The following KCTD16 variants were observed in gnomAD, a reference collection of about 807,000 sequenced individuals.
KCTD16 encodes the protein potassium channel tetramerization domain containing 16.
Under a neutral mutation model 33.2 loss-of-function variants are expected in KCTD16, and 13 were observed. That is an observed-to-expected ratio of 0.39 (90% CI 0.25 to 0.62). KCTD16 has a LOEUF of 0.62. Among genes scored for constraint, KCTD16 ranks in the 20% least tolerant of loss-of-function variants. KCTD16 has a pLI of 0.50. For missense variants in KCTD16, 441 were observed against 525.1 expected (o/e 0.84, Z 1.57); for synonymous variants, 197 against 195.3 (o/e 1.01, Z -0.07).
intron 3 of KCTD16, among the ~76,000 whole-genome samples, chr5:144,326,398 T>C (rs1029474908): frequency 2.7e-4 from 41 of 152,204 alleles, no homozygotes; most frequent in Non-Finnish European, 2.9e-5. Context: ...ATTGATAGTA[T>C]AAATTTTTAA....
Position 144,207,083 on chromosome 5 carries a change from C to T in KCTD16, c.369C>T (p.Thr123=). 1 of 1,611,768 alleles carries T rather than the reference C, an allele frequency of 6.2e-7. No homozygotes were observed. The highest frequency in any genetic ancestry group is 2.2e-5 in the East Asian group (1 of 44,848). ...TCCCAGACTTGGTCAAACTCCTGAC[C>T]CCCGATGAAATCAAGCAAAGCCCAG... is the stretch of plus-strand genomic sequence containing the variant. ...FQLPDLVKLL[T]PDEIKQSPDE... Residue 123 remains threonine, a synonymous_variant, in exon 3 of 4, where the codon ACC becomes ACT. Transcript: ENST00000512467.
Position 144,479,752 on chromosome 5 carries a change from T to A in KCTD16, c.*5638T>A, listed in dbSNP as rs1242609668. ...GTTTCTCTTGCTTGTGAACAAATTTTGTTGCCAATTAGGTAAAAAATGTTA... is the reference window on the plus strand; with the variant it reads ...GTTTCTCTTGCTTGTGAACAAATTTAGTTGCCAATTAGGTAAAAAATGTTA... On this transcript the variant is annotated 3_prime_UTR_variant, in exon 4 of 4. Coordinates refer to ENST00000512467, the MANE Select transcript of KCTD16 (RefSeq NM_020768.4). 6.6e-6 allele frequency: 1 copy of A among 152,014 alleles called. No homozygotes were observed. Among genetic ancestry groups the A allele is most frequent in the Non-Finnish European group, 1.5e-5 (1 of 67,956 alleles). 9.4% of individuals were successfully genotyped at this position (152,014 alleles called of 1,614,324 possible).
intron 3 of KCTD16, among the ~76,000 whole-genome samples, chr5:144,301,737 T>C (rs764183535): frequency 9.2e-5 from 14 of 152,182 alleles, no homozygotes; most frequent in Non-Finnish European, 1.2e-4. Context: ...AAAAAGTGTC[T>C]TGATGCTTCC....
chr5:144,196,129 T>G (rs1352335314), intron 2 of KCTD16, among the ~76,000 whole-genome samples: 1 of 152,166 alleles, frequency 6.6e-6, no homozygotes, highest in Non-Finnish European at 1.5e-5. Flanking sequence ...GGCCAAAACA[T>G]TTTAAAGGAG....
chr5:144,330,567 C>T (rs767103240), intron 3 of KCTD16, among the ~76,000 whole-genome samples: 1 of 151,778 alleles, frequency 6.6e-6, no homozygotes, highest in African/African-American at 2.4e-5. Context: ...AATAGATATA[C>T]AAATGAGTAA....
intron 3 of KCTD16, among the ~76,000 whole-genome samples, chr5:144,344,172 C>T (rs1752721493): frequency 6.6e-6 from 1 of 152,122 alleles, no homozygotes; most frequent in Non-Finnish European, 1.5e-5. Flanking sequence ...AAAGCTGAAA[C>T]TGGATCCCTT....
chr5:144,309,332 A>G (rs1751693821), intron 3 of KCTD16, among the ~76,000 whole-genome samples: 1 of 151,826 alleles, frequency 6.6e-6, no homozygotes, highest in Non-Finnish European at 1.5e-5. Context: ...CATTTTCTTG[A>G]CTGGAGACCC....
intron 3 of KCTD16, among the ~76,000 whole-genome samples, chr5:144,259,046 TAGG>T (rs1267104277): frequency 6.6e-6 from 1 of 151,896 alleles, no homozygotes; most frequent in Non-Finnish European, 1.5e-5. Flanking sequence ...ATCACGAGGT[TAGG>T]AGATCGAGAC....
At chr5:144,307,241 G>A (rs1751626015) in intron 3 of KCTD16, among the ~76,000 whole-genome samples, 1 of 152,162 alleles carries the variant, frequency 6.6e-6, no homozygotes, top group Non-Finnish European at 1.5e-5. Flanking sequence ...CATAGAAACT[G>A]CTAAAACTTG....
intron 3 of KCTD16, among the ~76,000 whole-genome samples, chr5:144,262,792 T>A (rs13158262): frequency 0.24 from 36,561 of 152,192 alleles, 4,578 homozygotes; most frequent in Non-Finnish European, 0.28. Context: ...GTGATCCCAA[T>A]AGCACAGACC....
rs1406844528 is a variant in KCTD16 at position 144,474,240 on chromosome 5, T to C, written c.*126T>C. 17 of 712,914 alleles carry C rather than the reference T, an allele frequency of 2.4e-5. No individual in the cohort carries two copies. In the East Asian group the frequency reaches 4.6e-4, roughly 19 times the overall value. The allele number at this position is 712,914 out of a possible 1,614,324, so 44.2% of individuals were successfully genotyped here. A position where few individuals can be genotyped will look rare whatever the true frequency, so the allele number is the denominator to read the frequency against. On this transcript the variant is annotated 3_prime_UTR_variant, in exon 4 of 4. Coordinates refer to ENST00000512467, the MANE Select transcript of KCTD16 (RefSeq NM_020768.4). ...ACATTTCTTAGAACACAATAGTCCA[T>C]TGATATACTACTGCCTACTTTACCT...
intron 2 of KCTD16, chr5:144,206,129 T>C (rs1753163332): frequency 6.5e-6 from 1 of 152,698 alleles, no homozygotes; most frequent in Admixed American, 6.5e-5. Context: ...CTTTTTAATG[T>C]AGACTTACAA....
At chr5:144,201,180 C>T (rs1372610865) in intron 2 of KCTD16, among the ~76,000 whole-genome samples, 1 of 152,192 alleles carries the variant, frequency 6.6e-6, no homozygotes, top group Non-Finnish European at 1.5e-5. Context: ...CTGGACACAA[C>T]ATAGGCACTT....
chr5:144,350,689 C>CT (rs997016533), intron 3 of KCTD16, among the ~76,000 whole-genome samples: 5 of 151,966 alleles, frequency 3.3e-5, no homozygotes, highest in South Asian at 4.2e-4. Flanking sequence ...GAAAAGAAAA[C>CT]TTTTTTTCGC....
intron 3 of KCTD16, among the ~76,000 whole-genome samples, chr5:144,229,547 A>G (rs1754035840): frequency 6.6e-6 from 1 of 152,224 alleles, no homozygotes; most frequent in African/African-American, 2.4e-5. Context: ...AGGGCCACAA[A>G]TTATATTATT....
chr5:144,281,444 T>C (rs1049519261), intron 3 of KCTD16, among the ~76,000 whole-genome samples: 4 of 152,242 alleles, frequency 2.6e-5, no homozygotes, highest in East Asian at 1.9e-4. Flanking sequence ...AGATTTTTCT[T>C]TGGCTCATGA....
intron 2 of KCTD16, among the ~76,000 whole-genome samples, chr5:144,179,241 A>T (rs1298449430): frequency 6.6e-6 from 1 of 152,114 alleles, no homozygotes; most frequent in Non-Finnish European, 1.5e-5. Flanking sequence ...CCAGCAGAAA[A>T]GTCTCCCCAC....
At chr5:144,218,114 C>T (rs926216931) in intron 3 of KCTD16, among the ~76,000 whole-genome samples, 3 of 152,118 alleles carry the variant, frequency 2.0e-5, no homozygotes, top group African/African-American at 7.2e-5. Flanking sequence ...TATTGAATAC[C>T]TAAAGTGTGC....
chr5:144,241,849 C>T (rs1335022289), intron 3 of KCTD16, among the ~76,000 whole-genome samples: 1 of 152,132 alleles, frequency 6.6e-6, no homozygotes, highest in African/African-American at 2.4e-5. Flanking sequence ...ACACAAATCC[C>T]TGTGTTTCAT....
Sources: allele counts gnomAD v4.1 joint callset (sites outside exome capture counted in the v4.1 genomes callset), GRCh38; gene constraint gnomAD v4.1.1; transcripts MANE v1.5; gene names NCBI Gene and HGNC (gene_info 2026-07-23, HGNC 2026-07-21).